Variants in NCAM2 observed in about 807,000 individuals in gnomAD.
NCAM2 encodes the protein N-CAM-2.
NCAM2 carries 30 observed loss-of-function variants against 98.1 expected under a neutral mutation model. The ratio of observed to expected loss-of-function variants is 0.31; its 90% CI spans 0.23 to 0.41. The LOEUF is 0.41. Ranked by LOEUF, NCAM2 falls within the 10% of genes least tolerant of loss-of-function variation. The pLI is 1.00. For synonymous variants in NCAM2, 368 were observed against 342.4 expected (o/e 1.07, Z -0.83); for missense variants, 867 against 1,005.8 (o/e 0.86, Z 1.87).
chr21:21,232,299 T>C (rs1323370738), intron 1 of NCAM2, among the ~76,000 whole-genome samples: 1 of 151,606 alleles, frequency 6.6e-6, no homozygotes, highest in Non-Finnish European at 1.5e-5. Context: ...TGGATACACA[T>C]TCATATATAA....
intron 15 of NCAM2, among the ~76,000 whole-genome samples, chr21:21,498,233 G>T (rs986311483): frequency 2.6e-4 from 39 of 152,082 alleles, no homozygotes; most frequent in African/African-American, 7.7e-4. Flanking sequence ...CAAATTAAGT[G>T]CTGTATTCCT....
At chr21:21,022,941 A>G (rs1010018481) in intron 1 of NCAM2, among the ~76,000 whole-genome samples, 29 of 152,176 alleles carry the variant, frequency 1.9e-4, no homozygotes, top group African/African-American at 6.5e-4. Flanking sequence ...ACCATTGTAA[A>G]CATGTATTTG....
chr21:21,245,678 A>G (rs2071240133), intron 1 of NCAM2, among the ~76,000 whole-genome samples: 1 of 152,212 alleles, frequency 6.6e-6, no homozygotes, highest in Non-Finnish European at 1.5e-5. Context: ...TGTAAACACC[A>G]AAGTTCATAA....
At chr21:21,074,900 C>T (rs565836055) in intron 1 of NCAM2, among the ~76,000 whole-genome samples, 20 of 152,190 alleles carry the variant, frequency 1.3e-4, no homozygotes, top group South Asian at 4.1e-4. Context: ...ATGTTTATTA[C>T]GGCACTATTC....
chr21:21,013,927 T>G (rs2064257734), intron 1 of NCAM2, among the ~76,000 whole-genome samples: 1 of 152,232 alleles, frequency 6.6e-6, no homozygotes, highest in South Asian at 2.1e-4. Context: ...GTTAACATAG[T>G]TGATGAAGGC....
intron 13 of NCAM2, among the ~76,000 whole-genome samples, chr21:21,467,445 T>TTTATATATATA (rs1983865170): frequency 6.7e-6 from 1 of 148,744 alleles, no homozygotes; most frequent in Non-Finnish European, 1.5e-5. Flanking sequence ...TATATATATG[T>TTTATATATATA]TAGGACAGTC....
At chr21:21,387,176 G>GCGCA (rs1555885477) in intron 9 of NCAM2, among the ~76,000 whole-genome samples, 9 of 125,546 alleles carry the variant, frequency 7.2e-5, no homozygotes, top group Non-Finnish European at 1.6e-4. Flanking sequence ...TACTTGGTGC[G>GCGCA]CACACACACA....
chr21:21,387,187 T>TACACACAC (rs61585220), intron 9 of NCAM2, among the ~76,000 whole-genome samples: 14,896 of 121,018 alleles, frequency 0.12, 885 homozygotes, highest in Admixed American at 0.19. Flanking sequence ...CACACACACA[T>TACACACAC]ACACACACAC....
At chr21:21,031,775 A>G (rs1277606852) in intron 1 of NCAM2, among the ~76,000 whole-genome samples, 1 of 149,338 alleles carries the variant, frequency 6.7e-6, no homozygotes. Context: ...CTCTCTCGAT[A>G]TATCTCTCTC....
chr21:21,020,643 C>G (rs191342866), intron 1 of NCAM2, among the ~76,000 whole-genome samples: 1 of 152,158 alleles, frequency 6.6e-6, no homozygotes. Flanking sequence ...TGCTCTCCCT[C>G]GGGACTTGGC....
chr21:21,346,539 A>C (rs1325218413), intron 8 of NCAM2, among the ~76,000 whole-genome samples: 1 of 152,106 alleles, frequency 6.6e-6, no homozygotes, highest in Non-Finnish European at 1.5e-5. Flanking sequence ...TGGATCTGGT[A>C]GATGTTTATA....
chr21:21,083,501 A>G (rs995333476), intron 1 of NCAM2, among the ~76,000 whole-genome samples: 14 of 151,310 alleles, frequency 9.3e-5, no homozygotes, highest in African/African-American at 3.2e-4. Context: ...GCTCACTGCA[A>G]CCTCTGCCTC....
intron 8 of NCAM2, among the ~76,000 whole-genome samples, chr21:21,367,637 AT>A (rs1208273733): frequency 6.6e-6 from 1 of 151,972 alleles, no homozygotes; most frequent in East Asian, 1.9e-4. Context: ...TGAAACTCAT[AT>A]TTATTGCTTA....
chr21:21,268,956 G>A (rs1158849591), intron 1 of NCAM2, among the ~76,000 whole-genome samples: 1 of 152,052 alleles, frequency 6.6e-6, no homozygotes, highest in African/African-American at 2.4e-5. Context: ...CCTGAACCCT[G>A]TCCCCACATG....
intron 1 of NCAM2, among the ~76,000 whole-genome samples, chr21:21,168,036 CATA>C (rs1378626217): frequency 1.3e-5 from 2 of 151,932 alleles, no homozygotes; most frequent in African/African-American, 4.8e-5. Context: ...AGCGCATAAA[CATA>C]GACGCAAAAA....
At chr21:21,346,300 A>G (rs2075187376) in intron 8 of NCAM2, among the ~76,000 whole-genome samples, 1 of 152,038 alleles carries the variant, frequency 6.6e-6, no homozygotes, top group Non-Finnish European at 1.5e-5. Context: ...GAAGGTTAAT[A>G]TATAATGACA....
At chr21:21,351,034 AACGCGGGAGGCGG>A (rs1342952461) in intron 8 of NCAM2, among the ~76,000 whole-genome samples, 2 of 147,228 alleles carry the variant, frequency 1.4e-5, no homozygotes, top group African/African-American at 5.0e-5. Context: ...GAATGGCGTG[AACGCGGGAGGCGG>A]AGGTTGCAGT....
chr21:21,077,318 C>T (rs1028307203), intron 1 of NCAM2, among the ~76,000 whole-genome samples: 3 of 152,148 alleles, frequency 2.0e-5, no homozygotes, highest in Non-Finnish European at 4.4e-5. Flanking sequence ...AAAGAGAAAA[C>T]ATTGTGCCTT....
rs527492655 is a variant in NCAM2, at chr21:21,049,164, C to T, written c.55+50546C>T. On this transcript the variant is annotated intron_variant, in intron 1 of 17. Coordinates refer to ENST00000400546, the MANE Select transcript of NCAM2 (RefSeq NM_004540.5). ...CTCCCGAGTAGGCTGGGACTACAGGCGCCCGCCACCGCGCCCGGCTAATTT... is the reference window on the plus strand; with the variant it reads ...CTCCCGAGTAGGCTGGGACTACAGGTGCCCGCCACCGCGCCCGGCTAATTT... Among the ~76,000 whole-genome samples the T allele has an allele frequency of 5.1e-4, 72 of 142,434 alleles. 1 individual carries two copies. Among genetic ancestry groups the T allele is most frequent in the Non-Finnish European group, 1.7e-4 (11 of 65,484 alleles). 93.4% of individuals were successfully genotyped at this position (142,434 alleles called of 152,430 possible). A position where few individuals can be genotyped will look rare whatever the true frequency, so the allele number is the denominator to read the frequency against.
Sources: allele counts gnomAD v4.1 joint callset (sites outside exome capture counted in the v4.1 genomes callset), GRCh38; gene constraint gnomAD v4.1.1; transcripts MANE v1.5; gene names NCBI Gene and HGNC (gene_info 2026-07-23, HGNC 2026-07-21).